Variants in SOSTDC1 observed in about 807,000 individuals in gnomAD.
SOSTDC1 encodes sclerostin domain containing 1, also known as sclerostin domain-containing protein 1.
In SOSTDC1, 7 loss-of-function variants were observed where a neutral mutation model predicts 15.1. The observed-to-expected ratio is 0.46, with a 90% CI of 0.26 to 0.87. The LOEUF (loss-of-function observed/expected upper bound fraction) is 0.87, where lower values mean the gene tolerates loss of function less well. Ranked by LOEUF, SOSTDC1 falls within the 40% of genes least tolerant of loss-of-function variation. The probability of loss-of-function intolerance (pLI) is 0.15; values close to 1 mark genes in which losing one functional copy is unlikely to be tolerated. For synonymous variants in SOSTDC1, 94 were observed against 93.2 expected (o/e 1.01, Z -0.05); for missense variants, 242 against 259.2 (o/e 0.93, Z 0.46).
intron 1 of SOSTDC1, 53 bp from the exon 2 acceptor site, chr7:16,463,016 T>A: frequency 7.5e-6 from 11 of 1,475,594 alleles, no homozygotes; most frequent in Non-Finnish European, 9.1e-6. Flanking sequence ...AATGAAGACC[T>A]TTTAAAAAGT....
Position 16,462,576 on chromosome 7 carries a change from CT to C in SOSTDC1, c.592del (p.Ser198AlafsTer8), listed in dbSNP as rs554609300. ...ACTCATGCTGTGCTTGCTGGATTTG[CT>C]GGCTCTTTTCCGCTCTCTGTGATGC... ...VQHHRERKRA[S>X]KSSKHSMS On this transcript the variant is annotated frameshift_variant, in exon 2 of 2. Transcript: ENST00000307068. LOFTEE classifies it high-confidence loss of function. 3.3e-3 allele frequency: 5,400 copies of C among 1,614,176 alleles called. 26 individuals are homozygous for C. The highest frequency in any genetic ancestry group is 3.0e-3 in the Non-Finnish European group (3,587 of 1,180,022).
In SOSTDC1 at chr7:16,465,737, G is replaced by A. The variant is rs1399402395; in HGVS notation, c.-69C>T. 3.6e-6 allele frequency: 5 copies of A among 1,388,464 alleles called. No individual in the cohort carries two copies. In the East Asian group the frequency reaches 7.1e-5, roughly 20 times the overall value. 86.0% of individuals were successfully genotyped at this position (1,388,464 alleles called of 1,614,324 possible). A position where few individuals can be genotyped will look rare whatever the true frequency, so the allele number is the denominator to read the frequency against. On this transcript the variant is annotated 5_prime_UTR_variant, in exon 1 of 2. Coordinates refer to ENST00000307068, the MANE Select transcript of SOSTDC1 (RefSeq NM_015464.3). ...TTGCTTCTGCTTCTGCACTGTAACT[G>A]TGAAATTCCTCCTCAAGCTTCCCTT...
At position 16,462,868 on chromosome 7, in the gene SOSTDC1, C is replaced by G; in HGVS notation, c.301G>C (p.Ala101Pro). The G allele has an allele frequency of 6.2e-7, 1 of 1,614,182 alleles. No homozygotes were observed. Among genetic ancestry groups the G allele is most frequent in the Non-Finnish European group, 8.5e-7 (1 of 1,180,026 alleles). The change falls in exon 2 of 2, where the codon GCT becomes CCT. Residue 101 changes from alanine (A) to proline (P), a missense_variant. Ala to Pro is a conservative substitution (Grantham distance 27, BLOSUM62 -1). Coordinates refer to ENST00000307068, the MANE Select transcript of SOSTDC1 (RefSeq NM_015464.3). The part of the protein sequence containing the change: ...SISPLKELVC[A>P]GECLPLPVLP... ...ACTGGCAGGGGCAAGCACTCGCCAG[C>G]ACACACCAGCTCCTTCAGAGGGCTG...
In SOSTDC1 at chr7:16,465,467, TC is replaced by T. The variant is rs1781288721; in HGVS notation, c.201del (p.Asn68ThrfsTer28). 1 of 1,612,870 alleles carries T rather than the reference TC, an allele frequency of 6.2e-7. No homozygotes were observed. The highest frequency in any genetic ancestry group is 8.5e-7 in the Non-Finnish European group (1 of 1,179,016). ...GRHFSNTGLD[R>X]NTRVQVGCRE... ...TGTACAAGTAAAACACACTTACTGT[TC>T]CGATCCAGTCCAGTGTTACTGAAAT... On this transcript the variant is annotated frameshift_variant, in exon 1 of 2. Transcript: ENST00000307068. LOFTEE classifies it high-confidence loss of function.
chr7:16,464,297 G>A (rs1017536808), intron 1 of SOSTDC1: 1 of 1,537,628 alleles, frequency 6.5e-7, no homozygotes, highest in Admixed American at 2.0e-5. Context: ...CAGCGTGCCT[G>A]ATTCTGCCTC....
Position 16,465,536 on chromosome 7 carries a change from T to C in SOSTDC1, c.133A>G (p.Ser45Gly). Residue 45 changes from serine to glycine, a missense_variant, in exon 1 of 2, where the codon AGC becomes GGC. By Grantham distance (56) the Ser-to-Gly change is moderately conservative. Transcript: ENST00000307068. ...HVVKPVPAHP[S>G]SNSTLNQARN... ...GCTTGATTCAACGTGCTGTTGCTGC[T>C]GGGGTGTGCTGGAACAGGTTTAACC... The C allele has an allele frequency of 6.2e-7, 1 of 1,614,168 alleles. No individual in the cohort carries two copies. Among genetic ancestry groups the C allele is most frequent in the Middle Eastern group, 1.6e-4 (1 of 6,062 alleles).
rs1167138480 is a variant in SOSTDC1 at position 16,462,431 on chromosome 7, A to G, written c.*117T>C. 3.5e-6 allele frequency: 4 copies of G among 1,135,944 alleles called. No individual in the cohort carries two copies. The East Asian group carries it at 9.5e-5, about 27-fold the overall frequency. The allele number at this position is 1,135,944 out of a possible 1,614,324, so 70.4% of individuals were successfully genotyped here. On this transcript the variant is annotated 3_prime_UTR_variant, in exon 2 of 2. Transcript: ENST00000307068. The stretch of plus-strand genomic sequence containing the variant: ...TAAGACAGCTTGCTGGGTTTGATCA[A>G]AGCAGAAAGCATATACTTTCAAGTG...
At chr7:16,465,255 T>C (rs1450570939) in intron 1 of SOSTDC1, among the ~76,000 whole-genome samples, 1 of 152,222 alleles carries the variant, frequency 6.6e-6, no homozygotes, top group Non-Finnish European at 1.5e-5. Flanking sequence ...AGTCTGTGCT[T>C]GCACTATTAA....
Position 16,465,575 on chromosome 7 carries a change from G to A in SOSTDC1, c.94C>T (p.Leu32Phe). 6.2e-7 allele frequency: 1 copy of A among 1,614,112 alleles called. No individual in the cohort carries two copies. The highest frequency in any genetic ancestry group is 8.5e-7 in the Non-Finnish European group (1 of 1,179,992). Reference sequence around the variant, plus strand: ...ACAGGTTTAACCACATGTGAATAAAGGATTTCTGTGGCATCATTTTTAAAA... The same window carrying A: ...ACAGGTTTAACCACATGTGAATAAAAGATTTCTGTGGCATCATTTTTAAAA... Reference protein sequence around the residue: ...LAFKNDATEILYSHVVKPVPA... With the variant: ...LAFKNDATEIFYSHVVKPVPA... The change falls in exon 1 of 2, where the codon CTT (leucine) becomes TTT (phenylalanine). Residue 32 changes from leucine to phenylalanine, a missense_variant. Physicochemically the swap from Leu to Phe is conservative, Grantham distance 22. Transcript: ENST00000307068.
In SOSTDC1 at chr7:16,465,592, T is replaced by C; in HGVS notation, c.77A>G (p.Asn26Ser). The C allele has an allele frequency of 6.2e-7, 1 of 1,614,108 alleles. No individual in the cohort carries two copies. The highest frequency in any genetic ancestry group is 8.5e-7 in the Non-Finnish European group (1 of 1,179,960). ...ILMKSCLAFK[N>S]DATEILYSHV... ...TGAATAAAGGATTTCTGTGGCATCA[T>C]TTTTAAAAGCCAAACAGCTTTTCAT... The change falls in exon 1 of 2, where the codon AAT (asparagine) becomes AGT (serine). Residue 26 changes from asparagine (N) to serine (S), a missense_variant. Coordinates refer to ENST00000307068, the MANE Select transcript of SOSTDC1 (RefSeq NM_015464.3).
In SOSTDC1 at chr7:16,462,314, G is replaced by A. The variant is rs142764005; in HGVS notation, c.*234C>T. On this transcript the variant is annotated 3_prime_UTR_variant, in exon 2 of 2. Transcript: ENST00000307068. Reference sequence around the variant, plus strand: ...ATGAGGAATTAAAACTACAGGATACGTGGAATTTAAATGCAAATTGCATTC... The same window carrying A: ...ATGAGGAATTAAAACTACAGGATACATGGAATTTAAATGCAAATTGCATTC... 27 of 495,378 alleles carry A rather than the reference G, an allele frequency of 5.5e-5. No homozygotes were observed. Among genetic ancestry groups the A allele is most frequent in the East Asian group, 4.0e-4 (12 of 29,948 alleles). The allele number at this position is 495,378 out of a possible 1,614,324, so 30.7% of individuals were successfully genotyped here. A position where few individuals can be genotyped will look rare whatever the true frequency, so the allele number is the denominator to read the frequency against.
rs780185207 is a variant in SOSTDC1 at position 16,462,661 on chromosome 7, G to A, written c.508C>T (p.Arg170Trp). 8 of 1,614,068 alleles carry A rather than the reference G, an allele frequency of 5.0e-6. No homozygotes were observed. The highest frequency in any genetic ancestry group is 3.3e-4 in the Middle Eastern group (2 of 6,084). ...TTGTGACTGGACTCGTTGTGCTGCC[G>A]GGTGTACCTCTTGCACTTGCAGGCA... ...VTACKCKRYT[R>W]QHNESSHNFE... Residue 170 changes from arginine to tryptophan, a missense_variant, in exon 2 of 2, where the codon CGG becomes TGG. Physicochemically the swap from Arg to Trp is moderately radical, Grantham distance 101. Coordinates refer to ENST00000307068, the MANE Select transcript of SOSTDC1 (RefSeq NM_015464.3).
intron 1 of SOSTDC1, among the ~76,000 whole-genome samples, chr7:16,465,066 T>C (rs1342849043): frequency 6.6e-6 from 1 of 152,150 alleles, no homozygotes; most frequent in African/African-American, 2.4e-5. Flanking sequence ...TAATAATATA[T>C]ATTAGTTACG....
rs566473873 is a variant in SOSTDC1, at chr7:16,464,259, C to T, written c.205+1205G>A. On this transcript the variant is annotated intron_variant, in intron 1 of 1. Transcript: ENST00000307068. ...AGAATTGTGGGATTAAAATGTAAAG[C>T]GTAAATTGTTTGGTTGGACAGTGTG... The T allele has an allele frequency of 4.6e-5, 57 of 1,238,828 alleles. No homozygotes were observed. In the South Asian group the frequency reaches 5.7e-4, roughly 12 times the overall value. The allele number at this position is 1,238,828 out of a possible 1,614,324, so 76.7% of individuals were successfully genotyped here.
Position 16,465,585 on chromosome 7 carries a change from G to A in SOSTDC1, c.84C>T (p.Ala28=), listed in dbSNP as rs1397499246. Residue 28 remains alanine (A), a synonymous_variant, in exon 1 of 2, where the codon GCC becomes GCT. Coordinates refer to ENST00000307068, the MANE Select transcript of SOSTDC1 (RefSeq NM_015464.3). The stretch of plus-strand genomic sequence containing the variant: ...CCACATGTGAATAAAGGATTTCTGT[G>A]GCATCATTTTTAAAAGCCAAACAGC... The part of the protein sequence containing the change: ...MKSCLAFKND[A]TEILYSHVVK... 1.9e-6 allele frequency: 3 copies of A among 1,614,054 alleles called. No homozygotes were observed. The highest frequency in any genetic ancestry group is 2.5e-6 in the Non-Finnish European group (3 of 1,179,984).
At chr7:16,463,070 C>A in intron 1 of SOSTDC1, 107 bp from the exon 2 acceptor site, 1 of 1,142,168 alleles carries the variant, frequency 8.8e-7, no homozygotes, top group Non-Finnish European at 1.2e-6. Flanking sequence ...AGCAAATTGC[C>A]AAATAGAAAG....
chr7:16,463,709 A>G (rs1781249927), intron 1 of SOSTDC1, among the ~76,000 whole-genome samples: 2 of 152,220 alleles, frequency 1.3e-5, no homozygotes, highest in African/African-American at 4.8e-5. Context: ...ACTTGGCTAC[A>G]TTTCCATGAA....
rs375793402 is a variant in SOSTDC1, at chr7:16,461,946, A to G, written c.*602T>C. Reference sequence around the variant, plus strand: ...TGCTGCCATGCATTTCTGGCATTCCATTCCAAGCGAGGGTCAGCATGCAGG... The same window carrying G: ...TGCTGCCATGCATTTCTGGCATTCCGTTCCAAGCGAGGGTCAGCATGCAGG... On this transcript the variant is annotated 3_prime_UTR_variant, in exon 2 of 2. Transcript: ENST00000307068. The G allele has an allele frequency of 1.8e-4, 28 of 152,742 alleles. No homozygotes were observed. The highest frequency in any genetic ancestry group is 1.7e-3 in the East Asian group (9 of 5,182). The allele number at this position is 152,742 out of a possible 1,614,324, so 9.5% of individuals were successfully genotyped here. A position where few individuals can be genotyped will look rare whatever the true frequency, so the allele number is the denominator to read the frequency against.
In SOSTDC1 at chr7:16,465,368, G is replaced by A. The variant is rs117209429; in HGVS notation, c.205+96C>T. 1,108 of 1,046,722 alleles carry A rather than the reference G, an allele frequency of 1.1e-3. 18 individuals are homozygous for A. In the East Asian group the frequency reaches 0.025, roughly 24 times the overall value. 64.8% of individuals were successfully genotyped at this position (1,046,722 alleles called of 1,614,324 possible). On this transcript the variant is annotated intron_variant, in intron 1 of 1. Transcript: ENST00000307068. ...CCAAATTGTTTCACAACATATATACGGTTCAGGTTAGTTACCAATAAAACA... is the reference window on the plus strand; with the variant it reads ...CCAAATTGTTTCACAACATATATACAGTTCAGGTTAGTTACCAATAAAACA...
Sources: allele counts gnomAD v4.1 joint callset (sites outside exome capture counted in the v4.1 genomes callset), GRCh38; gene constraint gnomAD v4.1.1; transcripts MANE v1.5; gene names NCBI Gene and HGNC (gene_info 2026-07-23, HGNC 2026-07-21).